The following LPCAT2 variants were observed in gnomAD, a reference collection of about 807,000 sequenced individuals.
LPCAT2 encodes lysophosphatidylcholine acyltransferase 2.
Under a neutral mutation model 64.7 loss-of-function variants are expected in LPCAT2, and 58 were observed. The observed-to-expected ratio is 0.90, with a 90% CI of 0.73 to 1.12. The LOEUF (loss-of-function observed/expected upper bound fraction) is 1.12. LPCAT2 is among the 50% of genes most tolerant of loss of function. The probability of loss-of-function intolerance (pLI) is 0.00; values close to 1 mark genes in which losing one functional copy is unlikely to be tolerated. For missense variants in LPCAT2, 579 were observed against 669.8 expected (o/e 0.86, Z 1.50); for synonymous variants, 252 against 245.3 (o/e 1.03, Z -0.26).
Position 55,579,126 on chromosome 16 carries a change from G to A in LPCAT2, c.1332G>A (p.Glu444=), listed in dbSNP as rs778717580. Residue 444 remains glutamate (E), a synonymous_variant, in exon 13 of 14, where the codon GAG becomes GAA. Coordinates refer to ENST00000262134, the MANE Select transcript of LPCAT2 (RefSeq NM_017839.5). ...QVAFKLFDVD[E]DGYITEEEFS... ...TTCTTCAGCTGTTTGACGTTGATGAGGATGGCTACATAACGGAGGAAGAGT... is the reference window on the plus strand; with the variant it reads ...TTCTTCAGCTGTTTGACGTTGATGAAGATGGCTACATAACGGAGGAAGAGT... 3.7e-6 allele frequency: 6 copies of A among 1,613,084 alleles called. No individual in the cohort carries two copies. The highest frequency in any genetic ancestry group is 1.1e-5 in the South Asian group (1 of 90,966).
chr16:55,582,970 T>C lies in LPCAT2; in HGVS notation c.1507T>C (p.Tyr503His). ...HPEYAKIFTT[Y>H]LDLQTCHVFS... ...AGAATATGCTAAGATATTTACAACA[T>C]ACCTAGACCTCCAGACGTGCCATGT... The change falls in exon 14 of 14, where the codon TAC (tyrosine) becomes CAC (histidine). Residue 503 changes from tyrosine to histidine, a missense_variant. Transcript: ENST00000262134. The C allele has an allele frequency of 1.2e-6, 2 of 1,613,792 alleles. No homozygotes were observed. Among genetic ancestry groups the C allele is most frequent in the African/African-American group, 1.3e-5 (1 of 75,028 alleles).
rs778824720 is a variant in LPCAT2, at chr16:55,583,086, A to G, written c.1623A>G (p.Lys541=). The G allele has an allele frequency of 6.2e-7, 1 of 1,611,924 alleles. No homozygotes were observed. ...PEKHEESTSD[K]KDD ...AGCATGAAGAGAGTACCTCAGACAAAAAAGATGACTGAAAGCAGTATTTCC... is the reference window on the plus strand; with the variant it reads ...AGCATGAAGAGAGTACCTCAGACAAGAAAGATGACTGAAAGCAGTATTTCC... The change falls in exon 14 of 14, where the codon AAA becomes AAG. Residue 541 remains lysine, a synonymous_variant. Coordinates refer to ENST00000262134, the MANE Select transcript of LPCAT2 (RefSeq NM_017839.5).
chr16:55,567,501 T>G (rs1365232455), intron 11 of LPCAT2: 1 of 1,611,692 alleles, frequency 6.2e-7, no homozygotes, highest in Middle Eastern at 1.7e-4. Flanking sequence ...CATGTATTCC[T>G]GAAGTGGGAA....
At position 55,585,922 on chromosome 16, in the gene LPCAT2, G is replaced by A. The variant is rs1258293913; in HGVS notation, c.*2824G>A. ...AAGGCCACTAATTGATGCTCAAATA[G>A]AAGGATATTGACTATATTGGAACAG... On this transcript the variant is annotated 3_prime_UTR_variant, in exon 14 of 14. Coordinates refer to ENST00000262134, the MANE Select transcript of LPCAT2 (RefSeq NM_017839.5). 6.6e-6 allele frequency: 1 copy of A among 152,174 alleles called. No individual in the cohort carries two copies. Among genetic ancestry groups the A allele is most frequent in the Non-Finnish European group, 1.5e-5 (1 of 68,028 alleles). 9.4% of individuals were successfully genotyped at this position (152,174 alleles called of 1,614,324 possible). A position where few individuals can be genotyped will look rare whatever the true frequency, so the allele number is the denominator to read the frequency against.
At chr16:55,518,603 T>C (rs371260468) in intron 1 of LPCAT2, among the ~76,000 whole-genome samples, 3 of 152,298 alleles carry the variant, frequency 2.0e-5, no homozygotes, top group African/African-American at 7.2e-5. Flanking sequence ...TGAAATAGAA[T>C]TGACAATACA....
At chr16:55,514,781 G>T (rs1483131089) in intron 1 of LPCAT2, among the ~76,000 whole-genome samples, 1 of 152,030 alleles carries the variant, frequency 6.6e-6, no homozygotes, top group Non-Finnish European at 1.5e-5. Context: ...CTTTAAATCA[G>T]ATATTTAAAA....
intron 1 of LPCAT2, among the ~76,000 whole-genome samples, chr16:55,509,594 T>G (rs1206022743): frequency 1.4e-5 from 2 of 147,040 alleles, no homozygotes; most frequent in African/African-American, 5.1e-5. Context: ...GTGACTGGTG[T>G]AGGTCTGACG....
At chr16:55,544,521 A>G (rs1264388220) in intron 8 of LPCAT2, among the ~76,000 whole-genome samples, 1 of 152,196 alleles carries the variant, frequency 6.6e-6, no homozygotes, top group African/African-American at 2.4e-5. Context: ...ACTATGGGGG[A>G]AAAATTAATG....
intron 5 of LPCAT2, 56 bp from the exon 6 acceptor site, chr16:55,532,768 A>T: frequency 8.5e-7 from 1 of 1,170,716 alleles, no homozygotes; most frequent in African/African-American, 1.5e-5. Context: ...TTTTCTCTTT[A>T]TCATAAAACT....
At chr16:55,509,385 C>A in intron 1 of LPCAT2, 33 bp downstream of exon 1, 1 of 1,308,524 alleles carries the variant, frequency 7.6e-7, no homozygotes, top group Non-Finnish European at 9.8e-7. Context: ...GAGAGGTGGT[C>A]TGAGGGGGGC....
chr16:55,524,831 C>T (rs1963146022), intron 1 of LPCAT2, among the ~76,000 whole-genome samples: 1 of 152,014 alleles, frequency 6.6e-6, no homozygotes, highest in African/African-American at 2.4e-5. Flanking sequence ...ATTTAACTCC[C>T]TCTGTGTTAC....
intron 11 of LPCAT2, among the ~76,000 whole-genome samples, chr16:55,557,970 A>G (rs964351641): frequency 3.9e-4 from 59 of 152,220 alleles, no homozygotes; most frequent in African/African-American, 1.3e-3. Flanking sequence ...ATAGTTCACT[A>G]GTTTGGGATA....
intron 11 of LPCAT2, among the ~76,000 whole-genome samples, chr16:55,558,169 C>G (rs1963598289): frequency 6.6e-6 from 1 of 152,200 alleles, no homozygotes; most frequent in African/African-American, 2.4e-5. Context: ...ACAATGACTT[C>G]TCAACATTTT....
At chr16:55,518,494 A>G (rs1276310929) in intron 1 of LPCAT2, among the ~76,000 whole-genome samples, 1 of 152,208 alleles carries the variant, frequency 6.6e-6, no homozygotes, top group African/African-American at 2.4e-5. Context: ...AAATAAAAAC[A>G]AAATTGGAGA....
chr16:55,549,541 T>A lies in LPCAT2; in HGVS notation c.1061+139T>A, dbSNP rs1596872101. 8 of 756,334 alleles carry A rather than the reference T, an allele frequency of 1.1e-5. No individual in the cohort carries two copies. In the East Asian group the frequency reaches 2.0e-4, roughly 19 times the overall value. The allele number at this position is 756,334 out of a possible 1,614,324, so 46.9% of individuals were successfully genotyped here. A position where few individuals can be genotyped will look rare whatever the true frequency, so the allele number is the denominator to read the frequency against. ...TATTAGGAAAGTCAGAGTTGAGAAT[T>A]TATCTCACATTTTATTCATCTACTT... is the stretch of plus-strand genomic sequence containing the variant. On this transcript the variant is annotated intron_variant, in intron 10 of 13. Coordinates refer to ENST00000262134, the MANE Select transcript of LPCAT2 (RefSeq NM_017839.5).
intron 1 of LPCAT2, among the ~76,000 whole-genome samples, chr16:55,517,960 G>A (rs1225274252): frequency 1.3e-5 from 2 of 152,120 alleles, no homozygotes; most frequent in Admixed American, 6.5e-5. Flanking sequence ...TAGCAAGGGC[G>A]CTTAGGCCAG....
intron 9 of LPCAT2, among the ~76,000 whole-genome samples, chr16:55,547,591 A>G (rs12597687): frequency 0.8 from 121,406 of 152,104 alleles, 51,553 homozygotes; most frequent in Non-Finnish European, 0.94. Context: ...TGTCTGGGCT[A>G]GAACTCAAAT....
chr16:55,546,627 A>T (rs1168374467), intron 9 of LPCAT2, among the ~76,000 whole-genome samples: 2 of 152,198 alleles, frequency 1.3e-5, no homozygotes, highest in Non-Finnish European at 2.9e-5. Context: ...CTATAAGTAT[A>T]TGTTTTATTC....
chr16:55,552,884 T>TA (rs36077497), intron 11 of LPCAT2, among the ~76,000 whole-genome samples: 1 of 152,134 alleles, frequency 6.6e-6, no homozygotes, highest in Non-Finnish European at 1.5e-5. Flanking sequence ...TGTGGCACTT[T>TA]AAAAAAATAA....
Sources: allele counts gnomAD v4.1 joint callset (sites outside exome capture counted in the v4.1 genomes callset), GRCh38; gene constraint gnomAD v4.1.1; transcripts MANE v1.5; gene names NCBI Gene and HGNC (gene_info 2026-07-23, HGNC 2026-07-21).